The following DOCK3 variants were observed in gnomAD, a reference collection of about 807,000 sequenced individuals.
DOCK3 encodes dedicator of cytokinesis 3.
Under a neutral mutation model 265.6 loss-of-function variants are expected in DOCK3, and 60 were observed. That is an observed-to-expected ratio of 0.23 (90% confidence interval 0.18 to 0.28). The LOEUF (loss-of-function observed/expected upper bound fraction) is 0.28. Among genes scored for constraint, DOCK3 ranks in the 10% least tolerant of loss-of-function variants. DOCK3 has a pLI of 1.00. For missense variants in DOCK3, 1,981 were observed against 2,594.3 expected, an observed-to-expected ratio of 0.76 and a Z score of 5.14; for synonymous variants, 881 against 938.0, an observed-to-expected ratio of 0.94 and a Z score of 1.11.
chr3:50,998,045 T>C (rs140470008), intron 5 of DOCK3, among the ~76,000 whole-genome samples: 2,603 of 152,310 alleles, frequency 0.017, 48 homozygotes, highest in Non-Finnish European at 0.022. Flanking sequence ...ATGAGTAATA[T>C]ACTTTTTGAA....
chr3:50,765,479 A>C (rs1454522657), intron 1 of DOCK3, among the ~76,000 whole-genome samples: 1 of 152,156 alleles, frequency 6.6e-6, no homozygotes, highest in Non-Finnish European at 1.5e-5. Context: ...TATTCCTGCA[A>C]ATAAAGTATA....
intron 5 of DOCK3, among the ~76,000 whole-genome samples, chr3:50,949,652 G>A (rs1056568410): frequency 7.9e-5 from 12 of 151,916 alleles, no homozygotes; most frequent in Admixed American, 5.9e-4. Flanking sequence ...TTATTGATTC[G>A]ATTTATCTTA....
At chr3:50,801,398 A>G (rs2043060034) in intron 2 of DOCK3, among the ~76,000 whole-genome samples, 1 of 152,166 alleles carries the variant, frequency 6.6e-6, no homozygotes, top group Non-Finnish European at 1.5e-5. Context: ...GGAATGAGTC[A>G]GGGTGGAGCA....
intron 5 of DOCK3, among the ~76,000 whole-genome samples, chr3:50,959,787 AG>A (rs1323169361): frequency 6.6e-6 from 1 of 151,924 alleles, no homozygotes; most frequent in Non-Finnish European, 1.5e-5. Context: ...TCACCGTGTT[AG>A]CCAGGATGGT....
At chr3:51,332,147 G>C (rs55640023) in intron 33 of DOCK3, among the ~76,000 whole-genome samples, 1 of 152,180 alleles carries the variant, frequency 6.6e-6, no homozygotes, top group East Asian at 1.9e-4. Flanking sequence ...CCCCTAACTG[G>C]GTCTGCCACC....
At chr3:51,167,207 A>G (rs1209621764) in intron 12 of DOCK3, among the ~76,000 whole-genome samples, 1 of 152,178 alleles carries the variant, frequency 6.6e-6, no homozygotes, top group East Asian at 1.9e-4. Flanking sequence ...CACTTATTGA[A>G]AACTGTCCTT....
chr3:50,783,280 T>G (rs2042019278), intron 2 of DOCK3, among the ~76,000 whole-genome samples: 1 of 152,186 alleles, frequency 6.6e-6, no homozygotes, highest in African/African-American at 2.4e-5. Flanking sequence ...TTGTACCAGT[T>G]TATGTTCTCA....
chr3:50,904,409 T>C (rs186347980), intron 4 of DOCK3, among the ~76,000 whole-genome samples: 1 of 152,320 alleles, frequency 6.6e-6, no homozygotes, highest in African/African-American at 2.4e-5. Context: ...TTTCTCCACA[T>C]CCTCTCCAGC....
At chr3:51,307,015 A>G (rs1032471044) in intron 27 of DOCK3, among the ~76,000 whole-genome samples, 1 of 152,224 alleles carries the variant, frequency 6.6e-6, no homozygotes, top group Non-Finnish European at 1.5e-5. Context: ...AACTCTGGAA[A>G]TCAGATCCCT....
At chr3:50,714,980 C>G (rs2037009278) in intron 1 of DOCK3, among the ~76,000 whole-genome samples, 1 of 152,220 alleles carries the variant, frequency 6.6e-6, no homozygotes, top group Non-Finnish European at 1.5e-5. Flanking sequence ...CACATGCACC[C>G]ACTGAACCTT....
chr3:51,246,286 G>A (rs956368637), intron 21 of DOCK3, among the ~76,000 whole-genome samples: 9 of 145,464 alleles, frequency 6.2e-5, no homozygotes, highest in Non-Finnish European at 1.2e-4. Flanking sequence ...AAGCTGGAGT[G>A]CAGTGGCGCA....
At chr3:50,954,927 G>A (rs1325112371) in intron 5 of DOCK3, among the ~76,000 whole-genome samples, 1 of 152,126 alleles carries the variant, frequency 6.6e-6, no homozygotes, top group Non-Finnish European at 1.5e-5. Flanking sequence ...GTATTGCCTA[G>A]GTTGTCTTCC....
chr3:50,831,551 G>C (rs1050982548), intron 2 of DOCK3, among the ~76,000 whole-genome samples: 2 of 152,068 alleles, frequency 1.3e-5, no homozygotes, highest in Non-Finnish European at 2.9e-5. Flanking sequence ...CCTGCAAAGG[G>C]TGTGAACTCA....
In DOCK3 at chr3:51,016,944, ATATATAATATATATAT is replaced by A. The variant is rs1199418985; in HGVS notation, c.316-47497_316-47482del. Among the ~76,000 whole-genome samples the A allele has an allele frequency of 3.3e-4, 12 of 36,282 alleles. No homozygotes were observed. The East Asian group carries it at 3.8e-3, about 12-fold the overall frequency. 23.8% of individuals were successfully genotyped at this position (36,282 alleles called of 152,430 possible). On this transcript the variant is annotated intron_variant, in intron 5 of 52. Transcript: ENST00000266037. ...TATATTAATATATACAATATATGTTATATATAATATATATATTATATATATATAAATAAATGGTAAA... is the reference window on the plus strand; with the variant it reads ...TATATTAATATATACAATATATGTTATATATATATATAAATAAATGGTAAA...
At chr3:51,009,057 A>G (rs1044444180) in intron 5 of DOCK3, among the ~76,000 whole-genome samples, 12 of 152,186 alleles carry the variant, frequency 7.9e-5, no homozygotes, top group Admixed American at 2.6e-4. Context: ...AGTGTTCATC[A>G]GGGATATTAG....
intron 6 of DOCK3, 48 bp downstream of exon 6, chr3:51,064,644 C>A (rs761915908): frequency 5.0e-6 from 8 of 1,601,420 alleles, no homozygotes; most frequent in African/African-American, 2.7e-5. Context: ...TTTATGATAA[C>A]TCAGTCTTCA....
intron 1 of DOCK3, among the ~76,000 whole-genome samples, chr3:50,689,991 G>GT (rs1005608985): frequency 1.7e-4 from 26 of 151,836 alleles, no homozygotes; most frequent in Middle Eastern, 3.4e-3. Flanking sequence ...CAATTTATCT[G>GT]TTTTTTTTCT....
intron 21 of DOCK3, among the ~76,000 whole-genome samples, chr3:51,245,381 A>G (rs1436614823): frequency 7.6e-6 from 1 of 132,324 alleles, no homozygotes; most frequent in East Asian, 2.2e-4. Context: ...AGAAATCACC[A>G]TTTTCTTTCT....
At chr3:51,087,245 T>G (rs1014302471) in intron 7 of DOCK3, among the ~76,000 whole-genome samples, 3 of 152,142 alleles carry the variant, frequency 2.0e-5, no homozygotes, top group Non-Finnish European at 4.4e-5. Context: ...AGCAAAATAC[T>G]AGCAAATTGA....
Sources: allele counts gnomAD v4.1 joint callset (sites outside exome capture counted in the v4.1 genomes callset), GRCh38; gene constraint gnomAD v4.1.1; transcripts MANE v1.5; gene names NCBI Gene and HGNC (gene_info 2026-07-23, HGNC 2026-07-21).